The following SAMTOR variants were observed in gnomAD, a reference collection of about 807,000 sequenced individuals.
SAMTOR encodes UPF0532 protein C7orf60.
At chr7:112,898,186 G>C in the SAMTOR span, among the ~76,000 whole-genome samples, 1 of 152,178 alleles carries the variant, frequency 6.6e-6, no homozygotes, top group African/African-American at 2.4e-5. Flanking sequence ...TTTGCTACTG[G>C]CTGAATAAAG....
the SAMTOR span, among the ~76,000 whole-genome samples, chr7:112,859,397 G>C: frequency 6.6e-6 from 1 of 152,164 alleles, no homozygotes. Flanking sequence ...AAACAATTCT[G>C]CATTGCCAGT....
chr7:112,824,945 G>C, the SAMTOR span, among the ~76,000 whole-genome samples: 2 of 152,064 alleles, frequency 1.3e-5, no homozygotes, highest in Non-Finnish European at 2.9e-5. Flanking sequence ...TATTATTCTA[G>C]GTCCTTTGAA....
chr7:112,856,270 G>C, the SAMTOR span, among the ~76,000 whole-genome samples: 9 of 147,928 alleles, frequency 6.1e-5, no homozygotes, highest in East Asian at 1.8e-3. Flanking sequence ...TTTTTTTCGA[G>C]ACCGAGTGTC....
At chr7:112,821,829 G>A in the SAMTOR span, 13 of 1,613,360 alleles carry the variant, frequency 8.1e-6, no homozygotes, top group South Asian at 4.4e-5. Context: ...GTCATATGGC[G>A]CATCAGGGAG....
the SAMTOR span, among the ~76,000 whole-genome samples, chr7:112,867,801 T>G: frequency 6.6e-6 from 1 of 152,184 alleles, no homozygotes; most frequent in African/African-American, 2.4e-5. Flanking sequence ...ACATGAAAAA[T>G]TATGGCTTTG....
At chr7:112,923,577 A>C in the SAMTOR span, among the ~76,000 whole-genome samples, 1 of 152,232 alleles carries the variant, frequency 6.6e-6, no homozygotes, top group African/African-American at 2.4e-5. Flanking sequence ...AAATAGGAAC[A>C]CTTTTACACT....
the SAMTOR span, among the ~76,000 whole-genome samples, chr7:112,912,158 T>C: frequency 1.3e-5 from 2 of 152,148 alleles, no homozygotes; most frequent in Admixed American, 1.3e-4. Context: ...TGTGGTTATG[T>C]AGAAAAATTT....
chr7:112,860,213 G>A, the SAMTOR span, among the ~76,000 whole-genome samples: 2 of 152,234 alleles, frequency 1.3e-5, no homozygotes, highest in Non-Finnish European at 2.9e-5. Flanking sequence ...GTATGTATAG[G>A]CTATACCATC....
chr7:112,907,726 G>C, the SAMTOR span, among the ~76,000 whole-genome samples: 9 of 151,920 alleles, frequency 5.9e-5, no homozygotes, highest in African/African-American at 1.4e-4. Context: ...ATTCATAAGA[G>C]AAATGTAAAA....
the SAMTOR span, among the ~76,000 whole-genome samples, chr7:112,925,484 G>A: frequency 0.043 from 6,522 of 152,226 alleles, 191 homozygotes; most frequent in Middle Eastern, 0.12. Flanking sequence ...CTTTCTGCAA[G>A]ACTTAGCGTC....
At chr7:112,920,781 T>G in the SAMTOR span, among the ~76,000 whole-genome samples, 1 of 151,380 alleles carries the variant, frequency 6.6e-6, no homozygotes, top group Non-Finnish European at 1.5e-5. Context: ...TGTACAAAAA[T>G]CACAAGCATT....
At chr7:112,888,810 T>C in the SAMTOR span, among the ~76,000 whole-genome samples, 1 of 152,164 alleles carries the variant, frequency 6.6e-6, no homozygotes, top group Admixed American at 6.5e-5. Context: ...TCCTATATAA[T>C]ATCTGTGACT....
chr7:112,857,684 C>T, the SAMTOR span, among the ~76,000 whole-genome samples: 1 of 152,130 alleles, frequency 6.6e-6, no homozygotes, highest in South Asian at 2.1e-4. Flanking sequence ...AGAAAAGGTA[C>T]CCCCAGCTTC....
the SAMTOR span, among the ~76,000 whole-genome samples, chr7:112,904,079 A>C: frequency 6.6e-6 from 1 of 152,196 alleles, no homozygotes; most frequent in Non-Finnish European, 1.5e-5. Context: ...CATCTTTACA[A>C]AGAAGAAATT....
At chr7:112,915,597 A>AAATTATAAAGTAAAACC in the SAMTOR span, 1 of 487,024 alleles carries the variant, frequency 2.1e-6, no homozygotes, top group Non-Finnish European at 3.3e-6. Context: ...AAAATGTTTA[A>AAATTATAAAGTAAAACC]ATAAATGTTT....
the SAMTOR span, among the ~76,000 whole-genome samples, chr7:112,918,505 A>G: frequency 2.0e-5 from 3 of 152,358 alleles, no homozygotes; most frequent in South Asian, 6.2e-4. Context: ...GCCAAATTGT[A>G]AAGACCCTCA....
the SAMTOR span, among the ~76,000 whole-genome samples, chr7:112,901,098 G>C: frequency 3.9e-5 from 6 of 152,174 alleles, no homozygotes; most frequent in Non-Finnish European, 7.4e-5. Context: ...AGAATGAAAA[G>C]AAAAGCCACA....
At chr7:112,912,167 T>C in the SAMTOR span, among the ~76,000 whole-genome samples, 8 of 152,052 alleles carry the variant, frequency 5.3e-5, no homozygotes, top group Admixed American at 3.3e-4. Context: ...GTAGAAAAAT[T>C]TCCTAATTCT....
the SAMTOR span, among the ~76,000 whole-genome samples, chr7:112,849,627 G>A: frequency 2.0e-5 from 3 of 152,166 alleles, no homozygotes; most frequent in South Asian, 2.1e-4. Flanking sequence ...AGGACTTCCC[G>A]TACTATGTTG....
Sources: gnomAD v4.1 joint callset for allele counts (sites outside exome capture counted in the v4.1 genomes callset) on GRCh38, gnomAD v4.1.1 for gene constraint, MANE v1.5 for transcripts, NCBI Gene and HGNC (gene_info 2026-07-23, HGNC 2026-07-21) for gene names.